Variants in NDUFAF6 observed in about 807,000 individuals in gnomAD.
The protein encoded by NDUFAF6 is NADH dehydrogenase (ubiquinone) complex I, assembly factor 6.
In NDUFAF6, 45 loss-of-function variants were observed where a neutral mutation model predicts 40.8. The ratio of observed to expected loss-of-function variants is 1.10; its 90% CI spans 0.87 to 1.42. NDUFAF6 has a LOEUF of 1.42. Among genes scored for constraint, NDUFAF6 ranks in the 40% most tolerant of loss-of-function variants. The pLI, the probability that NDUFAF6 is intolerant of heterozygous loss-of-function variation, is 0.00. For missense variants in NDUFAF6, 435 were observed against 418.5 expected, an observed-to-expected ratio of 1.04 and a Z score of -0.34; for synonymous variants, 185 against 155.9, an observed-to-expected ratio of 1.19 and a Z score of -1.39.
intron 1 of NDUFAF6, among the ~76,000 whole-genome samples, chr8:94,901,691 C>T (rs1401236714): frequency 1.3e-5 from 2 of 152,210 alleles, no homozygotes; most frequent in Non-Finnish European, 2.9e-5. Flanking sequence ...AAGTGATTCT[C>T]ATGCCTCAGC....
intron 1 of NDUFAF6, chr8:94,929,675 G>C (rs917033679): frequency 6.6e-6 from 1 of 152,194 alleles, no homozygotes; most frequent in Non-Finnish European, 1.5e-5. Context: ...CAGAATTGGC[G>C]GGAAGGAATA....
intron 2 of NDUFAF6, among the ~76,000 whole-genome samples, chr8:95,011,789 T>C (rs945781391): frequency 6.6e-5 from 10 of 152,190 alleles, no homozygotes; most frequent in African/African-American, 2.4e-4. Flanking sequence ...TAAGTGTTGA[T>C]TGGGATGTTT....
intron 1 of NDUFAF6, chr8:94,975,273 C>T (rs942476149): frequency 6.6e-6 from 1 of 152,192 alleles, no homozygotes; most frequent in Admixed American, 6.5e-5. Flanking sequence ...TTAAAGCTGT[C>T]CTAATTGCTA....
intron 2 of NDUFAF6, among the ~76,000 whole-genome samples, chr8:95,087,080 TAA>T (rs71503480): frequency 1.6e-4 from 22 of 134,970 alleles, no homozygotes; most frequent in East Asian, 1.1e-3. Context: ...CCTTTTTTTT[TAA>T]AAAATTCTGC....
chr8:95,018,869 A>G (rs1827576092), intron 2 of NDUFAF6, among the ~76,000 whole-genome samples: 1 of 152,204 alleles, frequency 6.6e-6, no homozygotes. Context: ...CAGATATGCT[A>G]TATTCCCTGG....
intron 1 of NDUFAF6, among the ~76,000 whole-genome samples, chr8:94,962,910 C>T (rs1029807336): frequency 3.9e-5 from 6 of 151,908 alleles, no homozygotes; most frequent in Non-Finnish European, 8.8e-5. Context: ...CCTGCCTCAG[C>T]CTCCTGAGTA....
intron 2 of NDUFAF6, among the ~76,000 whole-genome samples, chr8:94,996,453 TG>T: frequency 6.6e-6 from 1 of 152,316 alleles, no homozygotes; most frequent in East Asian, 1.9e-4. Flanking sequence ...AGTATGAAAA[TG>T]GGGCATCTGA....
At chr8:94,913,429 A>G (rs1243722518) in intron 1 of NDUFAF6, among the ~76,000 whole-genome samples, 3 of 152,208 alleles carry the variant, frequency 2.0e-5, no homozygotes, top group Non-Finnish European at 2.9e-5. Flanking sequence ...CATATCATCT[A>G]GTGATTATTG....
intron 2 of NDUFAF6, among the ~76,000 whole-genome samples, chr8:95,086,569 C>T (rs2132058041): frequency 6.6e-6 from 1 of 151,698 alleles, no homozygotes; most frequent in African/African-American, 2.4e-5. Flanking sequence ...CACCTCCCTC[C>T]TTCCTCTTGT....
intron 2 of NDUFAF6, among the ~76,000 whole-genome samples, chr8:95,019,107 T>C (rs1827587237): frequency 1.3e-5 from 2 of 152,222 alleles, no homozygotes; most frequent in Admixed American, 1.3e-4. Flanking sequence ...ACCTCTCAGC[T>C]TCAAGCGGTT....
intron 4 of NDUFAF6, among the ~76,000 whole-genome samples, chr8:95,044,304 A>G (rs1472440752): frequency 6.6e-6 from 1 of 152,250 alleles, no homozygotes; most frequent in Non-Finnish European, 1.5e-5. Flanking sequence ...ATTAGATAGT[A>G]GTGATAGCTG....
chr8:95,036,643 A>G (rs1829540062), intron 3 of NDUFAF6: 1 of 583,604 alleles, frequency 1.7e-6, no homozygotes, highest in Non-Finnish European at 2.5e-6. Context: ...GTGGAGGTTT[A>G]TGTTAAGACT....
chr8:95,004,060 T>G (rs943847250), intron 2 of NDUFAF6, among the ~76,000 whole-genome samples: 1 of 152,186 alleles, frequency 6.6e-6, no homozygotes, highest in Non-Finnish European at 1.5e-5. Flanking sequence ...ATTTTCCATC[T>G]ACCTCGCCTG....
chr8:94,980,705 C>A, intron 1 of NDUFAF6: 1 of 98,792 alleles, frequency 1.0e-5, no homozygotes, highest in African/African-American at 2.6e-4. Context: ...CATGCCTTGG[C>A]CTCCCGAAGT....
chr8:94,949,139 C>CA (rs1054711117), intron 2 of NDUFAF6: 8 of 149,452 alleles, frequency 5.4e-5, no homozygotes, highest in East Asian at 2.0e-4. Context: ...CCGCCCGCCC[C>CA]CCCCCGGCAC....
chr8:95,082,988 C>A (rs1438657931), intron 2 of NDUFAF6, among the ~76,000 whole-genome samples: 2 of 152,014 alleles, frequency 1.3e-5, no homozygotes, highest in African/African-American at 4.8e-5. Flanking sequence ...TATGTATTGC[C>A]CAGGCTGGTC....
chr8:94,981,651 C>T (rs1263804725), intron 2 of NDUFAF6, among the ~76,000 whole-genome samples: 5 of 152,104 alleles, frequency 3.3e-5, no homozygotes, highest in African/African-American at 1.2e-4. Context: ...TTTTTAGACA[C>T]TGATAACCAA....
intron 2 of NDUFAF6, among the ~76,000 whole-genome samples, chr8:94,992,091 G>A (rs965541607): frequency 3.9e-5 from 6 of 152,136 alleles, no homozygotes; most frequent in Non-Finnish European, 5.9e-5. Flanking sequence ...GTGCCATTTT[G>A]TACTACCCAG....
intron 1 of NDUFAF6, among the ~76,000 whole-genome samples, chr8:94,965,288 G>A (rs1823924143): frequency 1.3e-5 from 2 of 152,220 alleles, no homozygotes; most frequent in South Asian, 4.1e-4. Flanking sequence ...TCCAACAGGT[G>A]CAAAGACAGT....
Sources: gnomAD v4.1 joint callset for allele counts (sites outside exome capture counted in the v4.1 genomes callset) on GRCh38, gnomAD v4.1.1 for gene constraint, MANE v1.5 for transcripts, NCBI Gene and HGNC (gene_info 2026-07-23, HGNC 2026-07-21) for gene names.